The following ZNF557 variants were observed in gnomAD, a reference collection of about 807,000 sequenced individuals.
ZNF557 encodes zinc finger protein 557.
ZNF557 carries 19 observed loss-of-function variants against 21.2 expected under a neutral mutation model. The ratio of observed to expected loss-of-function variants is 0.90; its 90% CI spans 0.63 to 1.32. The LOEUF is 1.32. ZNF557 is among the 40% of genes most tolerant of loss of function. The pLI is 0.00. For missense variants in ZNF557, 487 were observed against 519.8 expected (o/e 0.94, Z 0.61); for synonymous variants, 207 against 194.8 (o/e 1.06, Z -0.52).
intron 7 of ZNF557, 63 bp downstream of exon 7, chr19:7,082,115 C>T: frequency 1.5e-6 from 2 of 1,361,150 alleles, no homozygotes; most frequent in Non-Finnish European, 1.0e-6. Flanking sequence ...TGAGAAAAGC[C>T]ACAAGGACTG....
chr19:7,074,997 G>T lies in ZNF557; in HGVS notation c.-78G>T, dbSNP rs1977554453. The T allele has an allele frequency of 3.1e-6, 5 of 1,610,316 alleles. No individual in the cohort carries two copies. Among genetic ancestry groups the T allele is most frequent in the Admixed American group, 1.7e-5 (1 of 59,976 alleles). On this transcript the variant is annotated splice_region_variant and 5_prime_UTR_variant, in exon 3 of 8. Transcript: ENST00000252840. ...GAGTGTTCCCCCCATTTCTTCCAGG[G>T]TGCTGTCCTGAGAGCGCTGCGGGAT...
chr19:7,082,040 A>G lies in ZNF557; in HGVS notation c.414A>G (p.Arg138=). ...ATGTTTTTCGAAAAGAACAATCTAG[A>G]AATATGAAAATGGTAAGACTAACAT... ...KLHVFRKEQS[R]NMKMERNHLG... The change falls in exon 7 of 8, where the codon AGA becomes AGG. Residue 138 remains arginine, a synonymous_variant. Transcript: ENST00000252840. 3 of 1,613,298 alleles carry G rather than the reference A, an allele frequency of 1.9e-6. No homozygotes were observed. The East Asian group carries it at 6.7e-5, about 36-fold the overall frequency.
In ZNF557 at chr19:7,083,255, G is replaced by C; in HGVS notation, c.804G>C (p.Gln268His). ...HTGEKPYKCN[Q>H]CFREFRTQSI... ...GAGAAAAACCGTACAAATGTAACCAGTGTTTTCGTGAGTTCCGCACTCAGT... is the reference window on the plus strand; with the variant it reads ...GAGAAAAACCGTACAAATGTAACCACTGTTTTCGTGAGTTCCGCACTCAGT... Residue 268 changes from glutamine (Q) to histidine (H), a missense_variant, in exon 8 of 8, where the codon CAG becomes CAC. Gln to His is a conservative substitution (Grantham distance 24, BLOSUM62 0). Transcript: ENST00000252840. 6.2e-7 allele frequency: 1 copy of C among 1,614,222 alleles called. No individual in the cohort carries two copies. Among genetic ancestry groups the C allele is most frequent in the Non-Finnish European group, 8.5e-7 (1 of 1,180,032 alleles).
Position 7,086,340 on chromosome 19 carries a change from A to G in ZNF557, c.*2596A>G, listed in dbSNP as rs557888399. On this transcript the variant is annotated 3_prime_UTR_variant, in exon 8 of 8. Transcript: ENST00000252840. ...GGTTGTTTTCTCTTTGTGTCCTAAT[A>G]TAGCAAATACTGTTTCTTTTTTTTT... is the stretch of plus-strand genomic sequence containing the variant. 1.4e-5 allele frequency: 2 copies of G among 146,610 alleles called. No individual in the cohort carries two copies. Among genetic ancestry groups the G allele is most frequent in the Non-Finnish European group, 3.0e-5 (2 of 66,990 alleles). The allele number at this position is 146,610 out of a possible 1,614,324, so 9.1% of individuals were successfully genotyped here.
chr19:7,074,241 C>G (rs1977523683), intron 2 of ZNF557, among the ~76,000 whole-genome samples: 1 of 151,558 alleles, frequency 6.6e-6, no homozygotes, highest in East Asian at 1.9e-4. Flanking sequence ...CTCCTGACCT[C>G]GTGATCCGCC....
intron 2 of ZNF557, among the ~76,000 whole-genome samples, chr19:7,072,151 C>G (rs1349550112): frequency 6.9e-6 from 1 of 144,054 alleles, no homozygotes; most frequent in Non-Finnish European, 1.5e-5. Context: ...CAGCCAGGCA[C>G]AGTGGCTCAC....
chr19:7,082,964 G>A lies in ZNF557; in HGVS notation c.513G>A (p.Arg171=), dbSNP rs374146065. ...FSTKSSLTRH[R]KIHTGERPYG... ...CAAAATCTTCCCTTACACGGCACAG[G>A]AAGATTCATACTGGAGAAAGACCCT... Residue 171 remains arginine, a synonymous_variant, in exon 8 of 8, where the codon AGG becomes AGA. Transcript: ENST00000252840. 4.3e-5 allele frequency: 70 copies of A among 1,614,010 alleles called. No homozygotes were observed. The highest frequency in any genetic ancestry group is 5.5e-5 in the Non-Finnish European group (65 of 1,180,000).
Position 7,086,588 on chromosome 19 carries a change from C to T in ZNF557, c.*2844C>T, listed in dbSNP as rs2145182228. On this transcript the variant is annotated 3_prime_UTR_variant, in exon 8 of 8. Coordinates refer to ENST00000252840, the MANE Select transcript of ZNF557 (RefSeq NM_024341.3). ...GTGTTAGCCAGTATGGTCTCAATCT[C>T]CTGACCTCGTGATCCACCTGCCTCG... 1 of 151,866 alleles carries T rather than the reference C, an allele frequency of 6.6e-6. No individual in the cohort carries two copies. The highest frequency in any genetic ancestry group is 2.4e-5 in the African/African-American group (1 of 41,442). The allele number at this position is 151,866 out of a possible 1,614,324, so 9.4% of individuals were successfully genotyped here.
At chr19:7,075,554 C>A (rs1260715392) in intron 3 of ZNF557, 101 bp from the exon 4 acceptor site, 2 of 1,136,130 alleles carry the variant, frequency 1.8e-6, no homozygotes. Context: ...ACTGTGTATG[C>A]ATGGGGACCT....
chr19:7,080,043 T>G (rs1264958679), intron 5 of ZNF557, among the ~76,000 whole-genome samples: 1 of 152,144 alleles, frequency 6.6e-6, no homozygotes, highest in African/African-American at 2.4e-5. Context: ...GGCTCATGCC[T>G]GTAATCCCAG....
At chr19:7,079,409 T>C (rs1260167264) in intron 5 of ZNF557, among the ~76,000 whole-genome samples, 1 of 114,036 alleles carries the variant, frequency 8.8e-6, no homozygotes, top group African/African-American at 3.7e-5. Flanking sequence ...GCCTCGCTAA[T>C]TTTTTATATA....
intron 5 of ZNF557, among the ~76,000 whole-genome samples, chr19:7,079,633 C>T (rs1350081126): frequency 5.3e-5 from 8 of 152,114 alleles, no homozygotes; most frequent in Non-Finnish European, 1.5e-5. Flanking sequence ...CTGATTTCCC[C>T]CCTCCCCAAG....
chr19:7,083,602 C>T lies in ZNF557; in HGVS notation c.1151C>T (p.Ser384Phe), dbSNP rs777913497. Residue 384 changes from serine to phenylalanine, a missense_variant, in exon 8 of 8, where the codon TCC (serine) becomes TTC (phenylalanine). Physicochemically the swap from Ser to Phe is radical, Grantham distance 155 (BLOSUM62 -2). Transcript: ENST00000252840. ...TATGAGTGCAGTGATTGTGGAAAATCCTTTAATGTTCTCTCATCCGTTAAG... is the reference window on the plus strand; with the variant it reads ...TATGAGTGCAGTGATTGTGGAAAATTCTTTAATGTTCTCTCATCCGTTAAG... ...KSYECSDCGK[S>F]FNVLSSVKKH... is the part of the protein sequence containing the mutation. The T allele has an allele frequency of 6.2e-7, 1 of 1,613,934 alleles. No homozygotes were observed.
At position 7,081,369 on chromosome 19, in the gene ZNF557, T is replaced by C. The variant is rs760424239; in HGVS notation, c.257T>C (p.Val86Ala). ...CRNLASLGNQVDKPRLISQLE... is the reference protein window; with the variant it reads ...CRNLASLGNQADKPRLISQLE... Reference sequence around the variant, plus strand: ...TTTTCTCCATGTACAGGGAACCAAGTTGATAAACCTAGGCTGATCTCCCAG... The same window carrying C: ...TTTTCTCCATGTACAGGGAACCAAGCTGATAAACCTAGGCTGATCTCCCAG... Residue 86 changes from valine to alanine, a missense_variant, in exon 6 of 8, where the codon GTT becomes GCT. Physicochemically the swap from Val to Ala is moderately conservative, Grantham distance 64. Transcript: ENST00000252840. 1.2e-6 allele frequency: 2 copies of C among 1,613,586 alleles called. No individual in the cohort carries two copies. Among genetic ancestry groups the C allele is most frequent in the South Asian group, 2.2e-5 (2 of 91,048 alleles).
rs1977421825 is a variant in ZNF557 at position 7,069,746 on chromosome 19, T to C, written c.-199T>C. 6.6e-6 allele frequency: 1 copy of C among 152,266 alleles called. No individual in the cohort carries two copies. Among genetic ancestry groups the C allele is most frequent in the African/African-American group, 2.4e-5 (1 of 41,466 alleles). The allele number at this position is 152,266 out of a possible 1,614,324, so 9.4% of individuals were successfully genotyped here. ...CGCTTGCAGCGTCTGGGAGAATCTT[T>C]CGGTCTCCGCGAGAGGTGCTTCATT... On this transcript the variant is annotated 5_prime_UTR_variant, in exon 1 of 8. Transcript: ENST00000252840.
rs1244188817 is a variant in ZNF557 at position 7,083,956 on chromosome 19, G to T, written c.*212G>T. On this transcript the variant is annotated 3_prime_UTR_variant, in exon 8 of 8. Transcript: ENST00000252840. ...TCTATAGTTCTTCAGGATATCTCAA[G>T]AGGTTACAGTCCAGATGTCAGCAGA... The T allele has an allele frequency of 2.2e-5, 12 of 552,168 alleles. No homozygotes were observed. The highest frequency in any genetic ancestry group is 3.8e-5 in the Non-Finnish European group (12 of 313,536). 34.2% of individuals were successfully genotyped at this position (552,168 alleles called of 1,614,324 possible). A position where few individuals can be genotyped will look rare whatever the true frequency, so the allele number is the denominator to read the frequency against.
rs372021312 is a variant in ZNF557, at chr19:7,087,684, AAGAGAG to A, written c.*3953_*3958del. ...AGTAACCACTAATTGGTTAAAACCA[AAGAGAG>A]AGAGAGAGAGAGTGTGTGTGTGTGT... On this transcript the variant is annotated 3_prime_UTR_variant, in exon 8 of 8. Coordinates refer to ENST00000252840, the MANE Select transcript of ZNF557 (RefSeq NM_024341.3). The A allele has an allele frequency of 6.0e-5, 9 of 149,508 alleles. No homozygotes were observed. Among genetic ancestry groups the A allele is most frequent in the Non-Finnish European group, 1.3e-4 (9 of 67,250 alleles). The allele number at this position is 149,508 out of a possible 1,614,324, so 9.3% of individuals were successfully genotyped here.
intron 2 of ZNF557, among the ~76,000 whole-genome samples, chr19:7,071,191 A>G (rs1977449290): frequency 6.6e-6 from 1 of 152,180 alleles, no homozygotes; most frequent in African/African-American, 2.4e-5. Context: ...ACATGTAAAC[A>G]CTATTTAAAA....
At chr19:7,082,083 T>G in intron 7 of ZNF557, 31 bp downstream of exon 7, 1 of 1,569,510 alleles carries the variant, frequency 6.4e-7, no homozygotes, top group Non-Finnish European at 8.8e-7. Context: ...TCCTGGTTTT[T>G]TTCATGGTAG....
Sources: allele counts gnomAD v4.1 joint callset (sites outside exome capture counted in the v4.1 genomes callset), GRCh38; gene constraint gnomAD v4.1.1; transcripts MANE v1.5; gene names NCBI Gene and HGNC (gene_info 2026-07-23, HGNC 2026-07-21).